CSNK1A1: variants seen among roughly 807,000 people sequenced by gnomAD.
The protein encoded by CSNK1A1 is casein kinase 1 alpha 1.
Under a neutral mutation model 46.1 loss-of-function variants are expected in CSNK1A1, and 7 were observed. The ratio of observed to expected loss-of-function variants is 0.15; its 90% CI spans 0.09 to 0.29. CSNK1A1 has a LOEUF of 0.29. CSNK1A1 is among the 10% of genes least tolerant of loss of function. CSNK1A1 has a pLI of 1.00. For missense variants in CSNK1A1, 96 were observed against 417.1 expected, an observed-to-expected ratio of 0.23 and a Z score of 6.71; for synonymous variants, 137 against 141.5, an observed-to-expected ratio of 0.97 and a Z score of 0.23.
At chr5:149,527,414 C>T (rs1346366625) in intron 2 of CSNK1A1, among the ~76,000 whole-genome samples, 3 of 152,310 alleles carry the variant, frequency 2.0e-5, no homozygotes, top group South Asian at 4.1e-4. Context: ...GTTTGAGCCA[C>T]CACACCCGGC....
intron 9 of CSNK1A1, chr5:149,497,496 T>C (rs1760689986): frequency 3.0e-6 from 3 of 985,694 alleles, no homozygotes; most frequent in Non-Finnish European, 3.6e-6. Flanking sequence ...CTACACATTC[T>C]ACAAATACTT....
intron 2 of CSNK1A1, among the ~76,000 whole-genome samples, chr5:149,548,710 G>A (rs574437043): frequency 1.1e-4 from 17 of 152,204 alleles, no homozygotes; most frequent in Middle Eastern, 3.4e-3. Context: ...TTAGCTAGGC[G>A]TGGTGGCGGG....
chr5:149,542,078 G>A (rs1368040066), intron 2 of CSNK1A1, among the ~76,000 whole-genome samples: 4 of 149,890 alleles, frequency 2.7e-5, no homozygotes, highest in African/African-American at 9.8e-5. Flanking sequence ...GCGAAGTGAA[G>A]CTTCATCTGT....
intron 6 of CSNK1A1, among the ~76,000 whole-genome samples, chr5:149,510,217 TAAAAATGGCTGGGGCC>T (rs992551090): frequency 1.3e-5 from 2 of 152,196 alleles, no homozygotes; most frequent in African/African-American, 4.8e-5. Context: ...TAGATTTAAG[TAAAAATGGCTGGGGCC>T]AAAATTGAAA....
At position 149,517,316 on chromosome 5, in the gene CSNK1A1, C is replaced by T. The variant is rs900793497; in HGVS notation, c.456+2974G>A. Among the ~76,000 whole-genome samples, 2 of 148,142 alleles carry T rather than the reference C, an allele frequency of 1.4e-5. No homozygotes were observed. Among genetic ancestry groups the T allele is most frequent in the Non-Finnish European group, 3.0e-5 (2 of 66,592 alleles). ...GAAATAAGTTCTAGAAACACTAGATCTGAAATCTGATCTACACTTACCTGA... is the reference window on the plus strand; with the variant it reads ...GAAATAAGTTCTAGAAACACTAGATTTGAAATCTGATCTACACTTACCTGA... On this transcript the variant is annotated intron_variant, in intron 4 of 9. Coordinates refer to ENST00000377843, the MANE Select transcript of CSNK1A1 (RefSeq NM_001892.6). This position sits in a 1 kb window ranked among gnomAD's most constrained non-coding sequence, Gnocchi z 4.4.
intron 2 of CSNK1A1, among the ~76,000 whole-genome samples, chr5:149,541,620 G>A (rs757888525): frequency 6.6e-6 from 1 of 152,164 alleles, no homozygotes; most frequent in Non-Finnish European, 1.5e-5. Flanking sequence ...GGTGAACAGT[G>A]ACAGATCATG....
intron 2 of CSNK1A1, among the ~76,000 whole-genome samples, chr5:149,531,693 CAA>C (rs60488526): frequency 0.34 from 46,842 of 136,498 alleles, 8,019 homozygotes; most frequent in East Asian, 0.52. Flanking sequence ...ACTAAAAATA[CAA>C]AAAAAAAAAA....
intron 5 of CSNK1A1, among the ~76,000 whole-genome samples, chr5:149,512,780 T>C (rs1408840903): frequency 2.0e-5 from 3 of 152,220 alleles, no homozygotes; most frequent in African/African-American, 4.8e-5. Flanking sequence ...ATATATGTAC[T>C]ATCTTCAGCT....
Position 149,493,931 on chromosome 5 carries a change from A to G in CSNK1A1, c.*2922T>C, listed in dbSNP as rs1218144054. ...AGTCAGAACCAGACTGTTCCAGACT[A>G]GTTGGAAAACGACCCAGGAACTCAC... On this transcript the variant is annotated 3_prime_UTR_variant, in exon 10 of 10. Transcript: ENST00000377843. 2.6e-5 allele frequency: 4 copies of G among 152,216 alleles called. No homozygotes were observed. Among genetic ancestry groups the G allele is most frequent in the African/African-American group, 9.6e-5 (4 of 41,452 alleles). 9.4% of individuals were successfully genotyped at this position (152,216 alleles called of 1,614,324 possible). A position where few individuals can be genotyped will look rare whatever the true frequency, so the allele number is the denominator to read the frequency against.
At chr5:149,543,707 A>G (rs1161474758) in intron 2 of CSNK1A1, among the ~76,000 whole-genome samples, 1 of 152,160 alleles carries the variant, frequency 6.6e-6, no homozygotes, top group Non-Finnish European at 1.5e-5. Context: ...CTTCAGACAC[A>G]GAGGGCAAAA....
chr5:149,533,675 C>CAAAAAA (rs200137063), intron 2 of CSNK1A1, among the ~76,000 whole-genome samples: 79 of 134,448 alleles, frequency 5.9e-4, no homozygotes, highest in African/African-American at 1.9e-3. Context: ...GACGTAGTTG[C>CAAAAAA]AAAAAAAAAA....
At chr5:149,506,349 G>A (rs1761024498) in intron 8 of CSNK1A1, among the ~76,000 whole-genome samples, 1 of 152,070 alleles carries the variant, frequency 6.6e-6, no homozygotes, top group African/African-American at 2.4e-5. Context: ...AGATTCTCCT[G>A]CCTCAGCCTC....
chr5:149,524,649 A>G (rs1761674497), intron 3 of CSNK1A1, among the ~76,000 whole-genome samples: 1 of 152,204 alleles, frequency 6.6e-6, no homozygotes, highest in Non-Finnish European at 1.5e-5. Flanking sequence ...CCTCAAAAAT[A>G]TAGCTTTTCT....
intron 2 of CSNK1A1, among the ~76,000 whole-genome samples, chr5:149,532,036 T>C (rs1761917294): frequency 6.6e-6 from 1 of 151,906 alleles, no homozygotes; most frequent in African/African-American, 2.4e-5. Context: ...ATGCGACCAC[T>C]CCTGGCTGAT....
intron 2 of CSNK1A1, chr5:149,529,631 T>C (rs1318233751): frequency 2.2e-6 from 1 of 452,508 alleles, no homozygotes; most frequent in East Asian, 7.0e-5. Context: ...TTTTGGGGCA[T>C]GGGCTGTCAT....
intron 9 of CSNK1A1, chr5:149,502,091 A>T (rs1249116702): frequency 1.0e-6 from 1 of 983,594 alleles, no homozygotes; most frequent in Non-Finnish European, 1.2e-6. Context: ...GGCCCACATT[A>T]GCTAGATAAG....
At chr5:149,503,597 C>CA (rs1760939632) in intron 9 of CSNK1A1, 7 of 984,834 alleles carry the variant, frequency 7.1e-6, no homozygotes, top group Non-Finnish European at 8.4e-6. Flanking sequence ...GTTGCTTTTA[C>CA]AAAAAATAGC....
At chr5:149,510,077 T>A (rs1189455593) in intron 6 of CSNK1A1, 124 bp from the exon 7 acceptor site, 1 of 640,686 alleles carries the variant, frequency 1.6e-6, no homozygotes. Context: ...ACCCAGAATT[T>A]AAAAAATCAA....
intron 2 of CSNK1A1, among the ~76,000 whole-genome samples, chr5:149,539,489 A>C (rs1762166011): frequency 6.6e-6 from 1 of 151,740 alleles, no homozygotes; most frequent in African/African-American, 2.4e-5. Flanking sequence ...AAAAGAAAGA[A>C]AAGAGTATAG....
Sources: gnomAD v4.1 joint callset for allele counts (sites outside exome capture counted in the v4.1 genomes callset) on GRCh38, gnomAD v4.1.1 for gene constraint, Gnocchi (gnomAD v3.1) non-coding constraint, MANE v1.5 for transcripts, NCBI Gene and HGNC (gene_info 2026-07-23, HGNC 2026-07-21) for gene names.